The following GPR180 variants were observed in gnomAD, a reference collection of about 807,000 sequenced individuals.
GPR180 encodes the protein G protein-coupled receptor 180, also known as integral membrane protein GPR180.
A neutral mutation model predicts 52.6 loss-of-function variants in GPR180; 53 were observed. That is an observed-to-expected ratio of 1.01 (90% CI 0.81 to 1.27). The LOEUF is 1.27. GPR180 is among the 50% of genes most tolerant of loss of function. The probability of loss-of-function intolerance (pLI) is 0.00; values close to 1 mark genes in which losing one functional copy is unlikely to be tolerated. For missense variants in GPR180, 533 were observed against 527.0 expected (o/e 1.01, Z -0.11); for synonymous variants, 200 against 193.1 (o/e 1.04, Z -0.30).
intron 3 of GPR180, among the ~76,000 whole-genome samples, chr13:94,613,749 C>T (rs968644928): frequency 6.6e-6 from 1 of 151,992 alleles, no homozygotes; most frequent in African/African-American, 2.4e-5. Flanking sequence ...TTAGTCCTTT[C>T]ATTTCCTTAA....
intron 7 of GPR180, among the ~76,000 whole-genome samples, chr13:94,625,001 A>T (rs1447480463): frequency 6.6e-6 from 1 of 151,652 alleles, no homozygotes; most frequent in African/African-American, 2.4e-5. Context: ...TTCAGTAGAG[A>T]TGGGGTTTCT....
At position 94,632,268 on chromosome 13, in the gene GPR180, G is replaced by C. The variant is rs1195764525; in HGVS notation, c.*5097G>C. 6.6e-6 allele frequency: 1 copy of C among 152,146 alleles called. No individual in the cohort carries two copies. The highest frequency in any genetic ancestry group is 1.5e-5 in the Non-Finnish European group (1 of 68,016). The allele number at this position is 152,146 out of a possible 1,614,324, so 9.4% of individuals were successfully genotyped here. ...ATGCACATTGTACAAAAATCAGAAA[G>C]TTGAAAAAGGTGGGGAAAAGAAGTC... On this transcript the variant is annotated 3_prime_UTR_variant, in exon 9 of 9. Coordinates refer to ENST00000376958, the MANE Select transcript of GPR180 (RefSeq NM_180989.6).
Position 94,627,321 on chromosome 13 carries a change from C to T in GPR180, c.*150C>T. The T allele has an allele frequency of 1.9e-6, 1 of 536,038 alleles. No homozygotes were observed. Among genetic ancestry groups the T allele is most frequent in the Non-Finnish European group, 3.2e-6 (1 of 314,294 alleles). The allele number at this position is 536,038 out of a possible 1,614,324, so 33.2% of individuals were successfully genotyped here. On this transcript the variant is annotated 3_prime_UTR_variant, in exon 9 of 9. Coordinates refer to ENST00000376958, the MANE Select transcript of GPR180 (RefSeq NM_180989.6). The stretch of plus-strand genomic sequence containing the variant: ...TTATATAACTGCATTTAAGCAGTAC[C>T]AAGACTGAAAAAAAAGGTAATAAAT...
At chr13:94,626,933 A>G (rs1889935968) in intron 8 of GPR180, 80 bp from the exon 9 acceptor site, 1 of 1,060,794 alleles carries the variant, frequency 9.4e-7, no homozygotes, top group South Asian at 1.8e-5. Context: ...TATAAAAAGC[A>G]TATATAGATT....
chr13:94,602,783 TA>T (rs1393736097), intron 1 of GPR180, among the ~76,000 whole-genome samples: 4 of 152,214 alleles, frequency 2.6e-5, no homozygotes, highest in African/African-American at 9.6e-5. Flanking sequence ...ATTCCTTCAA[TA>T]AATGCATTTG....
In GPR180 at chr13:94,634,401, A is replaced by G. The variant is rs191053742; in HGVS notation, c.*7230A>G. On this transcript the variant is annotated 3_prime_UTR_variant, in exon 9 of 9. Coordinates refer to ENST00000376958, the MANE Select transcript of GPR180 (RefSeq NM_180989.6). ...TAAAACTTGTATACATATATAGTACATATTATATATACTTATATATTAAGT... is the reference window on the plus strand; with the variant it reads ...TAAAACTTGTATACATATATAGTACGTATTATATATACTTATATATTAAGT... 49 of 152,128 alleles carry G rather than the reference A, an allele frequency of 3.2e-4. No homozygotes were observed. Among genetic ancestry groups the G allele is most frequent in the African/African-American group, 1.1e-3 (45 of 41,546 alleles). 9.4% of individuals were successfully genotyped at this position (152,128 alleles called of 1,614,324 possible).
rs937146548 is a variant in GPR180, at chr13:94,629,429, A to G, written c.*2258A>G. On this transcript the variant is annotated 3_prime_UTR_variant, in exon 9 of 9. Coordinates refer to ENST00000376958, the MANE Select transcript of GPR180 (RefSeq NM_180989.6). The stretch of plus-strand genomic sequence containing the variant: ...TTTTTATTGACATGTGTATAATAAG[A>G]TGGGTGCCTACTGTGATGCATTTTA... 1 of 152,126 alleles carries G rather than the reference A, an allele frequency of 6.6e-6. No individual in the cohort carries two copies. The highest frequency in any genetic ancestry group is 1.5e-5 in the Non-Finnish European group (1 of 68,004). 9.4% of individuals were successfully genotyped at this position (152,126 alleles called of 1,614,324 possible).
chr13:94,608,941 T>C (rs979690931), intron 2 of GPR180, among the ~76,000 whole-genome samples: 6 of 152,178 alleles, frequency 3.9e-5, no homozygotes, highest in African/African-American at 1.4e-4. Context: ...AAAAATCTGA[T>C]TTAAAAAATA....
rs552152759 is a variant in GPR180, at chr13:94,633,321, C to A, written c.*6150C>A. On this transcript the variant is annotated 3_prime_UTR_variant, in exon 9 of 9. Transcript: ENST00000376958. ...GGTGTCAGAAGCCATTGCAAATATC[C>A]TGATGATCCGTGCAAAACAAAAACA... The A allele has an allele frequency of 6.6e-6, 1 of 152,188 alleles. No individual in the cohort carries two copies. Among genetic ancestry groups the A allele is most frequent in the South Asian group, 2.1e-4 (1 of 4,820 alleles). The allele number at this position is 152,188 out of a possible 1,614,324, so 9.4% of individuals were successfully genotyped here. A position where few individuals can be genotyped will look rare whatever the true frequency, so the allele number is the denominator to read the frequency against.
In GPR180 at chr13:94,631,219, T is replaced by C. The variant is rs1434361309; in HGVS notation, c.*4048T>C. 1 of 152,202 alleles carries C rather than the reference T, an allele frequency of 6.6e-6. No homozygotes were observed. The highest frequency in any genetic ancestry group is 2.4e-5 in the African/African-American group (1 of 41,456). The allele number at this position is 152,202 out of a possible 1,614,324, so 9.4% of individuals were successfully genotyped here. On this transcript the variant is annotated 3_prime_UTR_variant, in exon 9 of 9. Transcript: ENST00000376958. ...GATTAGAGGCAGGGAGAGACCTGTA[T>C]GGCTTCCAGTCCATCCTCACAAGTT...
At chr13:94,606,557 T>C (rs1251047697) in intron 2 of GPR180, among the ~76,000 whole-genome samples, 5 of 152,254 alleles carry the variant, frequency 3.3e-5, no homozygotes, top group African/African-American at 1.2e-4. Context: ...CATTAGAAAT[T>C]TGAAGCATCC....
Position 94,626,060 on chromosome 13 carries a change from A to T in GPR180, c.1164+17A>T, listed in dbSNP as rs1201307869. The T allele has an allele frequency of 6.5e-7, 1 of 1,532,354 alleles. No homozygotes were observed. The highest frequency in any genetic ancestry group is 9.0e-7 in the Non-Finnish European group (1 of 1,108,428). The allele number at this position is 1,532,354 out of a possible 1,614,324, so 94.9% of individuals were successfully genotyped here. Reference sequence around the variant, plus strand: ...AGAGACAAGGTAAGAAATATACATGATCAAAGTAGTTTTCTTAATGAAAAT... The same window carrying T: ...AGAGACAAGGTAAGAAATATACATGTTCAAAGTAGTTTTCTTAATGAAAAT... On this transcript the variant is annotated intron_variant, in intron 8 of 8. Coordinates refer to ENST00000376958, the MANE Select transcript of GPR180 (RefSeq NM_180989.6).
intron 2 of GPR180, among the ~76,000 whole-genome samples, chr13:94,607,337 C>G (rs1889645907): frequency 6.6e-6 from 1 of 152,146 alleles, no homozygotes; most frequent in Admixed American, 6.5e-5. Context: ...TTTACCACAC[C>G]CTTAAAATAA....
At chr13:94,609,057 G>A (rs1889669870) in intron 2 of GPR180, among the ~76,000 whole-genome samples, 1 of 152,176 alleles carries the variant, frequency 6.6e-6, no homozygotes, top group African/African-American at 2.4e-5. Flanking sequence ...AGGAGATTCG[G>A]AGGAATTTTC....
chr13:94,613,283 A>G (rs1264839240), intron 3 of GPR180, among the ~76,000 whole-genome samples: 3 of 152,214 alleles, frequency 2.0e-5, no homozygotes, highest in Non-Finnish European at 4.4e-5. Flanking sequence ...GTGAGGCCAC[A>G]TTAGCTTAAA....
intron 5 of GPR180, among the ~76,000 whole-genome samples, chr13:94,619,792 A>C (rs1566980825): frequency 1.3e-5 from 2 of 152,198 alleles, no homozygotes; most frequent in Non-Finnish European, 2.9e-5. Flanking sequence ...GTCACGGCTC[A>C]CTGCAGCCTC....
In GPR180 at chr13:94,602,087, G is replaced by T. The variant is rs745559523; in HGVS notation, c.145+15G>T. On this transcript the variant is annotated intron_variant, in intron 1 of 8. Transcript: ENST00000376958. ...CGAGTTCCATGGTAGGTCTGGGGGCGGGGAGGGGGATGAAGGCGCGCTGGC... is the reference window on the plus strand; with the variant it reads ...CGAGTTCCATGGTAGGTCTGGGGGCTGGGAGGGGGATGAAGGCGCGCTGGC... 15 of 1,329,956 alleles carry T rather than the reference G, an allele frequency of 1.1e-5. No individual in the cohort carries two copies. The highest frequency in any genetic ancestry group is 1.5e-5 in the African/African-American group (1 of 66,364). The allele number at this position is 1,329,956 out of a possible 1,614,324, so 82.4% of individuals were successfully genotyped here. A position where few individuals can be genotyped will look rare whatever the true frequency, so the allele number is the denominator to read the frequency against.
At chr13:94,612,793 T>G (rs1167094861) in intron 3 of GPR180, among the ~76,000 whole-genome samples, 1 of 152,162 alleles carries the variant, frequency 6.6e-6, no homozygotes, top group Non-Finnish European at 1.5e-5. Flanking sequence ...AACAGAAAAA[T>G]GGTAACAAAT....
Position 94,623,303 on chromosome 13 carries a change from A to G in GPR180, c.1086+3A>G, listed in dbSNP as rs1889877410. 1 of 1,606,690 alleles carries G rather than the reference A, an allele frequency of 6.2e-7. No individual in the cohort carries two copies. Among genetic ancestry groups the G allele is most frequent in the Non-Finnish European group, 8.5e-7 (1 of 1,175,008 alleles). Reference sequence around the variant, plus strand: ...AGTTCTACATCACATTTGCCAAAGTATGGGTTTGGAAAGAAAATCGTTTAT... The same window carrying G: ...AGTTCTACATCACATTTGCCAAAGTGTGGGTTTGGAAAGAAAATCGTTTAT... On this transcript the variant is annotated splice_donor_region_variant and intron_variant, in intron 7 of 8. Transcript: ENST00000376958.
Sources: gnomAD v4.1 joint callset for allele counts (sites outside exome capture counted in the v4.1 genomes callset) on GRCh38, gnomAD v4.1.1 for gene constraint, MANE v1.5 for transcripts, NCBI Gene and HGNC (gene_info 2026-07-23, HGNC 2026-07-21) for gene names.